KCNMB4: variants seen among roughly 807,000 people sequenced by gnomAD.
KCNMB4 encodes the protein potassium calcium-activated channel subfamily M regulatory beta subunit 4, also known as calcium-activated potassium channel subunit beta-4.
A neutral mutation model predicts 20.7 loss-of-function variants in KCNMB4; 3 were observed. The observed-to-expected ratio is 0.14, with a 90% CI of 0.07 to 0.37. The LOEUF is 0.37. Among genes scored for constraint, KCNMB4 ranks in the 10% least tolerant of loss-of-function variants. KCNMB4 has a pLI of 1.00. For synonymous variants in KCNMB4, 110 were observed against 113.4 expected (o/e 0.97, Z 0.19); for missense variants, 168 against 265.9 (o/e 0.63, Z 2.56).
chr12:70,420,265 A>G (rs1321123176), intron 2 of KCNMB4, among the ~76,000 whole-genome samples: 3 of 152,140 alleles, frequency 2.0e-5, no homozygotes, highest in Admixed American at 6.5e-5. Context: ...CATAATCCCG[A>G]TGGATTTATG....
At chr12:70,425,201 C>T (rs988399781) in intron 2 of KCNMB4, among the ~76,000 whole-genome samples, 9 of 152,082 alleles carry the variant, frequency 5.9e-5, no homozygotes, top group African/African-American at 2.2e-4. Flanking sequence ...CTTAGAGAGG[C>T]CGAGGTGGGC....
At chr12:70,394,987 G>A (rs2136126859) in intron 1 of KCNMB4, among the ~76,000 whole-genome samples, 1 of 152,122 alleles carries the variant, frequency 6.6e-6, no homozygotes, top group African/African-American at 2.4e-5. Flanking sequence ...TTTATAAATG[G>A]CTCAGTTATA....
At chr12:70,405,530 G>A (rs369805584) in intron 2 of KCNMB4, among the ~76,000 whole-genome samples, 18 of 152,300 alleles carry the variant, frequency 1.2e-4, no homozygotes, top group African/African-American at 4.1e-4. Flanking sequence ...CTTGCATACC[G>A]TTGGTGGGAA....
At chr12:70,381,451 A>G (rs1254338733) in intron 1 of KCNMB4, among the ~76,000 whole-genome samples, 1 of 152,246 alleles carries the variant, frequency 6.6e-6, no homozygotes, top group African/African-American at 2.4e-5. Context: ...AGCATTATTC[A>G]TAATAGCTAA....
intron 2 of KCNMB4, among the ~76,000 whole-genome samples, chr12:70,407,408 A>G (rs1424152050): frequency 6.8e-6 from 1 of 146,050 alleles, no homozygotes; most frequent in East Asian, 2.1e-4. Flanking sequence ...GTTGATCTCT[A>G]GCCAACTCTC....
intron 1 of KCNMB4, among the ~76,000 whole-genome samples, chr12:70,392,687 A>G (rs566315158): frequency 1.9e-3 from 284 of 152,328 alleles, no homozygotes; most frequent in African/African-American, 6.5e-3. Flanking sequence ...TTGCAGGGAC[A>G]TGGATGAAGC....
At chr12:70,383,126 A>G (rs1413046836) in intron 1 of KCNMB4, among the ~76,000 whole-genome samples, 1 of 152,242 alleles carries the variant, frequency 6.6e-6, no homozygotes, top group Non-Finnish European at 1.5e-5. Context: ...ATTGACTGAA[A>G]TGTCATTATT....
At chr12:70,385,142 G>C (rs887071012) in intron 1 of KCNMB4, among the ~76,000 whole-genome samples, 1 of 152,178 alleles carries the variant, frequency 6.6e-6, no homozygotes, top group Non-Finnish European at 1.5e-5. Flanking sequence ...TGAGGACAGA[G>C]TTTAGGGACT....
At chr12:70,403,151 G>T (rs1023600896) in intron 2 of KCNMB4, among the ~76,000 whole-genome samples, 1 of 67,078 alleles carries the variant, frequency 1.5e-5, no homozygotes, top group Non-Finnish European at 2.6e-5. Flanking sequence ...CCAATGAAAA[G>T]GTTGTCTCCC....
chr12:70,390,854 C>T (rs1009935406), intron 1 of KCNMB4, among the ~76,000 whole-genome samples: 32 of 152,300 alleles, frequency 2.1e-4, no homozygotes, highest in African/African-American at 7.5e-4. Flanking sequence ...CATGAGCTCT[C>T]ATTCTAAGCA....
intron 1 of KCNMB4, among the ~76,000 whole-genome samples, chr12:70,387,927 A>G (rs551831646): frequency 1.1e-4 from 17 of 151,934 alleles, no homozygotes; most frequent in African/African-American, 4.1e-4. Flanking sequence ...CATTCTTTTT[A>G]TTTTTATTTT....
At chr12:70,368,457 G>A (rs1298376965) in intron 1 of KCNMB4, among the ~76,000 whole-genome samples, 1 of 151,932 alleles carries the variant, frequency 6.6e-6, no homozygotes, top group Non-Finnish European at 1.5e-5. Flanking sequence ...AGTAAATATA[G>A]GACTAAGAAT....
chr12:70,428,880 G>A (rs973214808), intron 2 of KCNMB4, among the ~76,000 whole-genome samples: 5 of 152,082 alleles, frequency 3.3e-5, no homozygotes, highest in Admixed American at 6.6e-5. Flanking sequence ...CTGAAAGCTG[G>A]GATGATTGTT....
At chr12:70,400,677 A>G (rs1868425713) in intron 2 of KCNMB4, among the ~76,000 whole-genome samples, 1 of 152,168 alleles carries the variant, frequency 6.6e-6, no homozygotes, top group African/African-American at 2.4e-5. Context: ...TTTCCTTTCT[A>G]TTCTGATGAA....
chr12:70,413,593 G>A (rs954757720), intron 2 of KCNMB4, among the ~76,000 whole-genome samples: 9 of 152,244 alleles, frequency 5.9e-5, no homozygotes, highest in Admixed American at 5.2e-4. Context: ...AGAAGTCACC[G>A]GAAACACATG....
chr12:70,384,478 T>C (rs2136121511), intron 1 of KCNMB4, among the ~76,000 whole-genome samples: 1 of 152,306 alleles, frequency 6.6e-6, no homozygotes, highest in Non-Finnish European at 1.5e-5. Flanking sequence ...ACCACGATAA[T>C]GAATGACTGA....
At chr12:70,390,931 A>G (rs710658) in intron 1 of KCNMB4, among the ~76,000 whole-genome samples, 110,647 of 152,070 alleles carry the variant, frequency 0.73, 40,859 homozygotes, top group East Asian at 0.94. Flanking sequence ...TATTCTGAAT[A>G]TCTGCCCTTT....
At chr12:70,430,358 T>C in intron 2 of KCNMB4, 127 bp from the exon 3 acceptor site, 4 of 957,442 alleles carry the variant, frequency 4.2e-6, no homozygotes, top group Non-Finnish European at 6.4e-6. Context: ...ACAGTGTTTA[T>C]AGTCAGAGTG....
At chr12:70,402,030 C>CA (rs371039177) in intron 2 of KCNMB4, among the ~76,000 whole-genome samples, 9 of 152,298 alleles carry the variant, frequency 5.9e-5, no homozygotes, top group African/African-American at 2.2e-4. Flanking sequence ...CCACAGGATA[C>CA]AAGGCTTCTC....
Sources: gnomAD v4.1 joint callset for allele counts (sites outside exome capture counted in the v4.1 genomes callset) on GRCh38, gnomAD v4.1.1 for gene constraint, MANE v1.5 for transcripts, NCBI Gene and HGNC (gene_info 2026-07-23, HGNC 2026-07-21) for gene names.